DNAJC24: variants seen among roughly 807,000 people sequenced by gnomAD.
The protein encoded by DNAJC24 is DnaJ heat shock protein family (Hsp40) member C24, also known as dnaJ homolog subfamily C member 24.
In DNAJC24, 17 loss-of-function variants were observed where a neutral mutation model predicts 18.0. That is an observed-to-expected ratio of 0.94 (90% CI 0.65 to 1.42). The LOEUF (loss-of-function observed/expected upper bound fraction) is 1.42, where lower values mean the gene tolerates loss of function less well. Ranked by LOEUF, DNAJC24 falls within the 40% of genes most tolerant of loss-of-function variation. The pLI, the probability that DNAJC24 is intolerant of heterozygous loss-of-function variation, is 0.00. For missense variants in DNAJC24, 158 were observed against 175.6 expected (o/e 0.90, Z 0.57); for synonymous variants, 55 against 57.7 (o/e 0.95, Z 0.21).
At chr11:31,404,489 G>C (rs890832524) in intron 2 of DNAJC24, among the ~76,000 whole-genome samples, 1 of 152,146 alleles carries the variant, frequency 6.6e-6, no homozygotes, top group East Asian at 1.9e-4. Context: ...CAAGCTGGGG[G>C]TGGAAAGCAG....
intron 3 of DNAJC24, among the ~76,000 whole-genome samples, chr11:31,422,656 T>C (rs1030939468): frequency 2.0e-5 from 3 of 152,186 alleles, no homozygotes; most frequent in Non-Finnish European, 4.4e-5. Flanking sequence ...CTTATCTGTT[T>C]TGAAAATGCC....
intron 2 of DNAJC24, among the ~76,000 whole-genome samples, chr11:31,376,441 G>GT (rs1256432561): frequency 2.6e-5 from 4 of 152,134 alleles, no homozygotes; most frequent in Non-Finnish European, 5.9e-5. Context: ...AGTTAATTTT[G>GT]TTTAAGAAGG....
At chr11:31,412,062 C>G (rs1006378392) in intron 2 of DNAJC24, among the ~76,000 whole-genome samples, 2 of 152,068 alleles carry the variant, frequency 1.3e-5, no homozygotes, top group Admixed American at 6.6e-5. Flanking sequence ...CACCTTATTT[C>G]AATTAATAAT....
chr11:31,385,575 T>C (rs1952420538), intron 2 of DNAJC24, among the ~76,000 whole-genome samples: 2 of 152,160 alleles, frequency 1.3e-5, no homozygotes, highest in East Asian at 1.9e-4. Flanking sequence ...AAGAAAAATC[T>C]TGTAAATTAA....
chr11:31,382,936 TG>T (rs1348056206), intron 2 of DNAJC24, among the ~76,000 whole-genome samples: 1 of 152,224 alleles, frequency 6.6e-6, no homozygotes, highest in Non-Finnish European at 1.5e-5. Context: ...TTTCCTTCTT[TG>T]TTCTCAATTG....
chr11:31,405,945 TC>T (rs1952653508), intron 2 of DNAJC24, among the ~76,000 whole-genome samples: 2 of 152,126 alleles, frequency 1.3e-5, no homozygotes, highest in Admixed American at 6.6e-5. Flanking sequence ...AGGAATCCAC[TC>T]CAGAAATATA....
chr11:31,392,845 C>T (rs1404338173), intron 2 of DNAJC24, among the ~76,000 whole-genome samples: 1 of 151,594 alleles, frequency 6.6e-6, no homozygotes, highest in Admixed American at 6.6e-5. Flanking sequence ...GACGGGGTTT[C>T]ACCATGTCAG....
In DNAJC24 at chr11:31,432,718, T is replaced by TAAGA. The variant is rs1952952120; in HGVS notation, c.*2318_*2321dup. The TAAGA allele has an allele frequency of 1.6e-6, 1 of 624,634 alleles. No individual in the cohort carries two copies. Among genetic ancestry groups the TAAGA allele is most frequent in the African/African-American group, 1.8e-5 (1 of 54,126 alleles). The allele number at this position is 624,634 out of a possible 1,614,324, so 38.7% of individuals were successfully genotyped here. A position where few individuals can be genotyped will look rare whatever the true frequency, so the allele number is the denominator to read the frequency against. On this transcript the variant is annotated 3_prime_UTR_variant, in exon 5 of 5. Transcript: ENST00000465995. ...AAGAATAAAATTTTCTACATCAAAG[T>TAAGA]AAGACTTGAGAAAATAAACTTATGT...
At chr11:31,421,221 C>T (rs1952800940) in intron 3 of DNAJC24, among the ~76,000 whole-genome samples, 1 of 152,044 alleles carries the variant, frequency 6.6e-6, no homozygotes, top group African/African-American at 2.4e-5. Flanking sequence ...AAGTTACTTC[C>T]CACATAAAAA....
At chr11:31,421,693 ATTAT>A (rs1208551552) in intron 3 of DNAJC24, among the ~76,000 whole-genome samples, 2 of 152,148 alleles carry the variant, frequency 1.3e-5, no homozygotes, top group Non-Finnish European at 2.9e-5. Flanking sequence ...AGGATATGTA[ATTAT>A]TTAGGCATGA....
chr11:31,390,188 G>C (rs1464156948), intron 2 of DNAJC24, among the ~76,000 whole-genome samples: 1 of 152,060 alleles, frequency 6.6e-6, no homozygotes, highest in African/African-American at 2.4e-5. Flanking sequence ...CTGAGGTCAG[G>C]AGTTGGAGAC....
chr11:31,370,904 C>T, intron 2 of DNAJC24, 45 bp downstream of exon 2: 1 of 1,286,746 alleles, frequency 7.8e-7, no homozygotes, highest in East Asian at 2.4e-5. Context: ...GGAAAAAAAT[C>T]AATTTTTATA....
chr11:31,372,199 A>G (rs1164686029), intron 2 of DNAJC24, among the ~76,000 whole-genome samples: 1 of 151,750 alleles, frequency 6.6e-6, no homozygotes, highest in Admixed American at 6.6e-5. Flanking sequence ...TTCAATCTGT[A>G]TTGTGATGCT....
intron 2 of DNAJC24, among the ~76,000 whole-genome samples, chr11:31,403,819 G>T (rs1361640697): frequency 6.6e-6 from 1 of 152,134 alleles, no homozygotes; most frequent in Non-Finnish European, 1.5e-5. Context: ...CCAAGAGAGG[G>T]TTCTTGGATC....
At chr11:31,411,006 G>A (rs1413229981) in intron 2 of DNAJC24, among the ~76,000 whole-genome samples, 3 of 152,070 alleles carry the variant, frequency 2.0e-5, no homozygotes, top group Admixed American at 6.6e-5. Context: ...ACTAGCTTTG[G>A]GCTCTCAAGA....
At chr11:31,379,613 CTG>C (rs1952355809) in intron 2 of DNAJC24, among the ~76,000 whole-genome samples, 1 of 152,140 alleles carries the variant, frequency 6.6e-6, no homozygotes, top group African/African-American at 2.4e-5. Flanking sequence ...CAGTGGTAAT[CTG>C]TCTCTCATTT....
intron 2 of DNAJC24, among the ~76,000 whole-genome samples, chr11:31,397,015 T>G (rs952553967): frequency 6.6e-6 from 1 of 152,216 alleles, no homozygotes; most frequent in Non-Finnish European, 1.5e-5. Context: ...CTATGCATCC[T>G]TCAAAACCTA....
chr11:31,394,237 C>A (rs1276813163), intron 2 of DNAJC24, among the ~76,000 whole-genome samples: 1 of 152,052 alleles, frequency 6.6e-6, no homozygotes, highest in African/African-American at 2.4e-5. Flanking sequence ...AATCATGGCA[C>A]TAAATAGACT....
chr11:31,377,027 A>G (rs2133467511), intron 2 of DNAJC24, among the ~76,000 whole-genome samples: 1 of 152,280 alleles, frequency 6.6e-6, no homozygotes, highest in East Asian at 1.9e-4. Context: ...CTTGTTTCCC[A>G]ATTAGAACTA....
Sources: allele counts gnomAD v4.1 joint callset (sites outside exome capture counted in the v4.1 genomes callset), GRCh38; gene constraint gnomAD v4.1.1; transcripts MANE v1.5; gene names NCBI Gene and HGNC (gene_info 2026-07-23, HGNC 2026-07-21).